TRIM33: variants seen among roughly 807,000 people sequenced by gnomAD.
The protein encoded by TRIM33 is tripartite motif containing 33.
A neutral mutation model predicts 125.4 loss-of-function variants in TRIM33; 20 were observed. The observed-to-expected ratio is 0.16, with a 90% CI of 0.11 to 0.23. The LOEUF (loss-of-function observed/expected upper bound fraction) is 0.23, where lower values mean the gene tolerates loss of function less well. TRIM33 is among the 10% of genes least tolerant of loss of function. The pLI is 1.00. For synonymous variants in TRIM33, 564 were observed against 513.9 expected (o/e 1.10, Z -1.32); for missense variants, 920 against 1,411.4 (o/e 0.65, Z 5.58).
At chr1:114,448,007 GCT>G (rs1179103223) in intron 4 of TRIM33, among the ~76,000 whole-genome samples, 2 of 152,178 alleles carry the variant, frequency 1.3e-5, no homozygotes, top group Non-Finnish European at 2.9e-5. Flanking sequence ...TTCAGGGACA[GCT>G]CTGATGGCAA....
chr1:114,414,379 T>C (rs60178328), intron 11 of TRIM33, among the ~76,000 whole-genome samples: 9,604 of 152,192 alleles, frequency 0.063, 319 homozygotes, highest in African/African-American at 0.085. Flanking sequence ...CCTGATCTAG[T>C]TTCCATTTTC....
chr1:114,466,590 C>T (rs945351496), intron 1 of TRIM33, among the ~76,000 whole-genome samples: 2 of 152,104 alleles, frequency 1.3e-5, no homozygotes, highest in Admixed American at 6.5e-5. Flanking sequence ...GTGGGGGCTG[C>T]GTGGCAATGA....
chr1:114,414,267 G>A (rs1395714029), intron 11 of TRIM33, among the ~76,000 whole-genome samples: 1 of 151,950 alleles, frequency 6.6e-6, no homozygotes, highest in Admixed American at 6.6e-5. Flanking sequence ...AATCTGATAG[G>A]TCATGTACAC....
At chr1:114,464,556 C>CTAAA (rs1309381940) in intron 1 of TRIM33, among the ~76,000 whole-genome samples, 168 bp from the exon 2 acceptor site, 3 of 152,208 alleles carry the variant, frequency 2.0e-5, no homozygotes, top group Admixed American at 6.5e-5. Context: ...AAGTGATACT[C>CTAAA]TATTTAGGAA....
Position 114,435,877 on chromosome 1 carries a change from CTTTTT to C in TRIM33, c.924-2149_924-2145del, listed in dbSNP as rs34327766. Reference sequence around the variant, plus strand: ...GAGTAGCTGGGACTATAGACACCCGCTTTTTTTTTTTTTTTTTTTTTTTTTTTTAC... The same window carrying C: ...GAGTAGCTGGGACTATAGACACCCGCTTTTTTTTTTTTTTTTTTTTTTTAC... On this transcript the variant is annotated intron_variant, in intron 4 of 19. Coordinates refer to ENST00000358465, the MANE Select transcript of TRIM33 (RefSeq NM_015906.4). Among the ~76,000 whole-genome samples the C allele has an allele frequency of 1.8e-3, 134 of 73,336 alleles. 2 individuals carry two copies. The highest frequency in any genetic ancestry group is 8.4e-3 in the African/African-American group (132 of 15,660). 48.1% of individuals were successfully genotyped at this position (73,336 alleles called of 152,430 possible). A position where few individuals can be genotyped will look rare whatever the true frequency, so the allele number is the denominator to read the frequency against.
Position 114,394,736 on chromosome 1 carries a change from C to T in TRIM33, c.*2912G>A, listed in dbSNP as rs41310112. On this transcript the variant is annotated 3_prime_UTR_variant, in exon 20 of 20. Coordinates refer to ENST00000358465, the MANE Select transcript of TRIM33 (RefSeq NM_015906.4). Reference sequence around the variant, plus strand: ...GAGCACGACCTACAATCTAACCATACTTTAGAACTTTCACATGCTTTGCCT... The same window carrying T: ...GAGCACGACCTACAATCTAACCATATTTTAGAACTTTCACATGCTTTGCCT... The T allele has an allele frequency of 0.025, 5,043 of 200,912 alleles. 108 individuals are homozygous for T. The highest frequency in any genetic ancestry group is 0.033 in the Non-Finnish European group (3,221 of 97,382). The allele number at this position is 200,912 out of a possible 1,614,324, so 12.4% of individuals were successfully genotyped here.
At chr1:114,488,519 T>G (rs1459941325) in intron 1 of TRIM33, among the ~76,000 whole-genome samples, 1 of 152,148 alleles carries the variant, frequency 6.6e-6, no homozygotes, top group Non-Finnish European at 1.5e-5. Context: ...ATCCTAGCAC[T>G]TTGAGAGGCT....
intron 11 of TRIM33, among the ~76,000 whole-genome samples, chr1:114,416,906 C>A (rs1652972111): frequency 6.6e-6 from 1 of 152,152 alleles, no homozygotes; most frequent in African/African-American, 2.4e-5. Context: ...CAACAACAGC[C>A]TGGTACACTA....
At position 114,438,285 on chromosome 1, in the gene TRIM33, G is replaced by C. The variant is rs568801833; in HGVS notation, c.924-4552C>G. Among the ~76,000 whole-genome samples the C allele has an allele frequency of 2.6e-5, 4 of 152,314 alleles. No homozygotes were observed. In the South Asian group the frequency reaches 8.3e-4, roughly 32 times the overall value. ...AGTGCTTTATATCCAAACTGAATAA[G>C]AGAACCTTTTTAATAAAACCCAGTT... On this transcript the variant is annotated intron_variant, in intron 4 of 19. Transcript: ENST00000358465.
At chr1:114,508,753 G>A (rs72990822) in intron 1 of TRIM33, among the ~76,000 whole-genome samples, 9,514 of 151,980 alleles carry the variant, frequency 0.063, 317 homozygotes, top group African/African-American at 0.086. Context: ...CATTCCCATA[G>A]CCACTATTAG....
At chr1:114,457,593 C>A (rs1403620322) in intron 4 of TRIM33, among the ~76,000 whole-genome samples, 2 of 152,140 alleles carry the variant, frequency 1.3e-5, no homozygotes, top group East Asian at 1.9e-4. Flanking sequence ...CAGGAGAATG[C>A]AAAGAGGTAC....
At chr1:114,500,928 C>G (rs1387689892) in intron 1 of TRIM33, among the ~76,000 whole-genome samples, 1 of 65,046 alleles carries the variant, frequency 1.5e-5, no homozygotes, top group South Asian at 4.6e-4. Flanking sequence ...CGGTGGCTCA[C>G]GCCTGTAATC....
At chr1:114,485,155 A>G (rs1651599465) in intron 1 of TRIM33, among the ~76,000 whole-genome samples, 1 of 152,206 alleles carries the variant, frequency 6.6e-6, no homozygotes, top group African/African-American at 2.4e-5. Context: ...AATTAAAAGC[A>G]TGAATTTAGT....
At chr1:114,449,955 T>G (rs1408650011) in intron 4 of TRIM33, among the ~76,000 whole-genome samples, 2 of 152,212 alleles carry the variant, frequency 1.3e-5, no homozygotes, top group African/African-American at 2.4e-5. Flanking sequence ...TTTTACTTTC[T>G]TGGTTTACTA....
In TRIM33 at chr1:114,399,479, T is replaced by C; in HGVS notation, c.3098A>G (p.Lys1033Arg). ...DFVADVRLIFKNCERFNEMMK... is the reference protein window; with the variant it reads ...DFVADVRLIFRNCERFNEMMK... The stretch of plus-strand genomic sequence containing the variant: ...TACTTCATTAAACCTTTCACAGTTC[T>C]TGAAGATCAAACGGACATCGGCCAC... The change falls in exon 18 of 20, where the codon AAG (lysine) becomes AGG (arginine). Residue 1033 changes from lysine to arginine, a missense_variant. Coordinates refer to ENST00000358465, the MANE Select transcript of TRIM33 (RefSeq NM_015906.4). 1 of 1,613,874 alleles carries C rather than the reference T, an allele frequency of 6.2e-7. No homozygotes were observed. Among genetic ancestry groups the C allele is most frequent in the Non-Finnish European group, 8.5e-7 (1 of 1,179,864 alleles).
chr1:114,499,510 C>T (rs1652583748), intron 1 of TRIM33, among the ~76,000 whole-genome samples: 1 of 151,764 alleles, frequency 6.6e-6, no homozygotes, highest in South Asian at 2.1e-4. Context: ...TTTCCCCACA[C>T]CCACATTGTG....
rs750509836 is a variant in TRIM33 at position 114,425,648 on chromosome 1, G to A, written c.1496C>T (p.Thr499Ile). The A allele has an allele frequency of 5.6e-6, 9 of 1,614,028 alleles. No individual in the cohort carries two copies. The Admixed American group carries it at 1.3e-4, about 24-fold the overall frequency. ...TCCAGGGGTTTTACTAATGTGGTTT[G>A]TCCCTGGAGGAACTTGCCCAACTAC... ...NVVVGQVPPGTNHISKTPGQI... is the reference protein window; with the variant it reads ...NVVVGQVPPGINHISKTPGQI... The change falls in exon 9 of 20, where the codon ACA (threonine) becomes ATA (isoleucine). Residue 499 changes from threonine (T) to isoleucine (I), a missense_variant. By Grantham distance (89) the Thr-to-Ile change is moderately conservative. Coordinates refer to ENST00000358465, the MANE Select transcript of TRIM33 (RefSeq NM_015906.4).
chr1:114,469,028 TG>T, intron 1 of TRIM33: 2 of 233,650 alleles, frequency 8.6e-6, no homozygotes, highest in Non-Finnish European at 1.7e-5. Context: ...TTGGCTGAAC[TG>T]GGTACAAGTG....
intron 1 of TRIM33, among the ~76,000 whole-genome samples, chr1:114,489,953 G>C (rs1388015801): frequency 2.6e-5 from 4 of 151,316 alleles, no homozygotes; most frequent in Non-Finnish European, 4.4e-5. Context: ...TCAGATATAA[G>C]GGTGCAGCAC....
Sources: gnomAD v4.1 joint callset for allele counts (sites outside exome capture counted in the v4.1 genomes callset) on GRCh38, gnomAD v4.1.1 for gene constraint, MANE v1.5 for transcripts, NCBI Gene and HGNC (gene_info 2026-07-23, HGNC 2026-07-21) for gene names.